Variants in OR9G4 observed in about 807,000 individuals in gnomAD.
The protein encoded by OR9G4 is olfactory receptor family 9 subfamily G member 4, also known as olfactory receptor 9G4.
A neutral mutation model predicts 16.7 loss-of-function variants in OR9G4; 19 were observed. The observed-to-expected ratio is 1.14, with a 90% confidence interval of 0.79 to 1.67. The LOEUF is 1.67. OR9G4 is among the 40% of genes most tolerant of loss of function. The pLI, the probability that OR9G4 is intolerant of heterozygous loss-of-function variation, is 0.00. For synonymous variants in OR9G4, 182 were observed against 146.2 expected (o/e 1.24, Z -1.76); for missense variants, 428 against 370.4 (o/e 1.16, Z -1.28).
chr11:56,747,535 TTC>T (rs536964386), intron 1 of OR9G4, among the ~76,000 whole-genome samples: 130 of 152,320 alleles, frequency 8.5e-4, no homozygotes, highest in African/African-American at 2.8e-3. Flanking sequence ...AGCAAAATAT[TTC>T]TCTGTCTTGT....
intron 1 of OR9G4, among the ~76,000 whole-genome samples, chr11:56,745,060 C>A (rs923055863): frequency 8.5e-5 from 13 of 152,124 alleles, no homozygotes; most frequent in African/African-American, 2.9e-4. Flanking sequence ...GAGAAAACAT[C>A]CATGTTAAGA....
chr11:56,743,901 T>C (rs1247716363), intron 1 of OR9G4, 113 bp from the exon 2 acceptor site: 13 of 1,189,630 alleles, frequency 1.1e-5, no homozygotes, highest in Non-Finnish European at 1.4e-5. Context: ...TCTCCCTTAC[T>C]ATCTAGAATT....
intron 1 of OR9G4, among the ~76,000 whole-genome samples, chr11:56,745,128 T>C (rs1451555319): frequency 2.6e-5 from 4 of 152,224 alleles, no homozygotes; most frequent in Non-Finnish European, 5.9e-5. Flanking sequence ...ATCATTATTC[T>C]GAATGGGAGG....
At position 56,741,530 on chromosome 11, in the gene OR9G4, G is replaced by C. The variant is rs1416252376; in HGVS notation, c.*1298C>G. 6.6e-6 allele frequency: 1 copy of C among 152,352 alleles called. No individual in the cohort carries two copies. Among genetic ancestry groups the C allele is most frequent in the Non-Finnish European group, 1.5e-5 (1 of 68,260 alleles). 9.4% of individuals were successfully genotyped at this position (152,352 alleles called of 1,614,324 possible). Reference sequence around the variant, plus strand: ...ATCCTTCTAGTCAAGTACTCAAACAGCTTCCTTTGTGATAGAGGAATAAGA... The same window carrying C: ...ATCCTTCTAGTCAAGTACTCAAACACCTTCCTTTGTGATAGAGGAATAAGA... On this transcript the variant is annotated 3_prime_UTR_variant, in exon 2 of 2. Coordinates refer to ENST00000641668, the MANE Select transcript of OR9G4 (RefSeq NM_001005284.2).
intron 1 of OR9G4, among the ~76,000 whole-genome samples, chr11:56,747,374 TA>T (rs756114002): frequency 3.7e-4 from 56 of 152,060 alleles, no homozygotes; most frequent in Non-Finnish European, 7.1e-4. Context: ...ATGCCCCTTT[TA>T]AATTCCATGC....
Position 56,743,080 on chromosome 11 carries a change from G to A in OR9G4, c.687C>T (p.His229=), listed in dbSNP as rs958730694. ...VNILLAILRI[H]SASGRHKAFS... is the part of the protein sequence containing the mutation. Reference sequence around the variant, plus strand: ...ATGCCTTGTGTCTTCCTGAAGCTGAGTGGATTCTCAGGATAGCCAGGAGGA... The same window carrying A: ...ATGCCTTGTGTCTTCCTGAAGCTGAATGGATTCTCAGGATAGCCAGGAGGA... Residue 229 remains histidine, a synonymous_variant, in exon 2 of 2, where the codon CAC becomes CAT. Coordinates refer to ENST00000641668, the MANE Select transcript of OR9G4 (RefSeq NM_001005284.2). The A allele has an allele frequency of 6.2e-7, 1 of 1,614,174 alleles. No individual in the cohort carries two copies. Among genetic ancestry groups the A allele is most frequent in the South Asian group, 1.1e-5 (1 of 91,084 alleles).
Position 56,741,903 on chromosome 11 carries a change from G to A in OR9G4, c.*925C>T, listed in dbSNP as rs903701243. The stretch of plus-strand genomic sequence containing the variant: ...TATCAGGGTTTAGGGAATTGGGCTC[G>A]AGGCCAAGGCTAGTTTCCATGTGGT... On this transcript the variant is annotated 3_prime_UTR_variant, in exon 2 of 2. Transcript: ENST00000641668. 2.0e-5 allele frequency: 3 copies of A among 152,210 alleles called. No homozygotes were observed. Among genetic ancestry groups the A allele is most frequent in the South Asian group, 4.1e-4 (2 of 4,836 alleles). The allele number at this position is 152,210 out of a possible 1,614,324, so 9.4% of individuals were successfully genotyped here. A position where few individuals can be genotyped will look rare whatever the true frequency, so the allele number is the denominator to read the frequency against.
In OR9G4 at chr11:56,743,631, C is replaced by G. The variant is rs1858351796; in HGVS notation, c.136G>C (p.Val46Leu). ...LITLSGNMTL[V>L]ILIRTDSHLH... ...TGGGAATCAGTTCGGATTAAGATAA[C>G]CAAGGTCATGTTTCCTGACAAGGTT... Residue 46 changes from valine (V) to leucine (L), a missense_variant, in exon 2 of 2, where the codon GTT becomes CTT. By Grantham distance (32) the Val-to-Leu change is conservative. Coordinates refer to ENST00000641668, the MANE Select transcript of OR9G4 (RefSeq NM_001005284.2). 1 of 1,613,970 alleles carries G rather than the reference C, an allele frequency of 6.2e-7. No homozygotes were observed. Among genetic ancestry groups the G allele is most frequent in the Non-Finnish European group, 8.5e-7 (1 of 1,179,914 alleles).
At chr11:56,747,879 T>C (rs1472508956) in intron 1 of OR9G4, among the ~76,000 whole-genome samples, 1 of 152,182 alleles carries the variant, frequency 6.6e-6, no homozygotes, top group Non-Finnish European at 1.5e-5. Flanking sequence ...CTTCACTATG[T>C]TGGCCAGGCT....
At position 56,743,289 on chromosome 11, in the gene OR9G4, T is replaced by C. The variant is rs771863700; in HGVS notation, c.478A>G (p.Thr160Ala). 1.1e-4 allele frequency: 179 copies of C among 1,614,038 alleles called. No individual in the cohort carries two copies. Among genetic ancestry groups the C allele is most frequent in the Non-Finnish European group, 1.4e-4 (171 of 1,180,036 alleles). The change falls in exon 2 of 2, where the codon ACT (threonine) becomes GCT (alanine). Residue 160 changes from threonine to alanine, a missense_variant. Coordinates refer to ENST00000641668, the MANE Select transcript of OR9G4 (RefSeq NM_001005284.2). ...IGGFLNAIAHTANTFRLHFCG... is the reference protein window; with the variant it reads ...IGGFLNAIAHAANTFRLHFCG... ...AAATGCAGGCGGAATGTATTGGCAG[T>C]ATGGGCTATGGCATTCAAAAATCCT...
At chr11:56,745,211 G>T (rs948201732) in intron 1 of OR9G4, among the ~76,000 whole-genome samples, 4 of 152,108 alleles carry the variant, frequency 2.6e-5, no homozygotes, top group Non-Finnish European at 5.9e-5. Context: ...ATACAAATAA[G>T]CAATTTCAGC....
chr11:56,743,812 C>T, intron 1 of OR9G4, 24 bp from the exon 2 acceptor site: 1 of 1,604,188 alleles, frequency 6.2e-7, no homozygotes, highest in Non-Finnish European at 8.5e-7. Context: ...GGAAAATCAT[C>T]ACTTAGTGTT....
intron 1 of OR9G4, among the ~76,000 whole-genome samples, chr11:56,744,792 T>C (rs60711098): frequency 0.24 from 36,033 of 152,148 alleles, 5,628 homozygotes; most frequent in East Asian, 0.6. Context: ...GCGCTCACTC[T>C]GTCACCCCAG....
At chr11:56,746,285 T>A (rs1471401751) in intron 1 of OR9G4, among the ~76,000 whole-genome samples, 1 of 83,604 alleles carries the variant, frequency 1.2e-5, no homozygotes. Flanking sequence ...AGAGCGAGAC[T>A]CCGTCTCAAA....
Position 56,742,781 on chromosome 11 carries a change from C to T in OR9G4, c.*47G>A, listed in dbSNP as rs1188669758. The T allele has an allele frequency of 6.5e-7, 1 of 1,544,216 alleles. No homozygotes were observed. Among genetic ancestry groups the T allele is most frequent in the Non-Finnish European group, 8.8e-7 (1 of 1,136,332 alleles). On this transcript the variant is annotated 3_prime_UTR_variant, in exon 2 of 2. Coordinates refer to ENST00000641668, the MANE Select transcript of OR9G4 (RefSeq NM_001005284.2). ...AATGCAAATGAACACATTTATAAGC[C>T]AATAATCTGGAAAATTCAATAACAG...
rs147756755 is a variant in OR9G4, at chr11:56,743,524, G to A, written c.243C>T (p.Ile81=). The change falls in exon 2 of 2, where the codon ATC becomes ATT. Residue 81 remains isoleucine, a synonymous_variant. Coordinates refer to ENST00000641668, the MANE Select transcript of OR9G4 (RefSeq NM_001005284.2). The stretch of plus-strand genomic sequence containing the variant: ...TATCTTCTGAGACACAACTGGCCAG[G>A]ATTTTGGGGGTATACACAGAGGTAT... ...FWYTSVYTPK[I]LASCVSEDKR... is the part of the protein sequence containing the mutation. 3.8e-5 allele frequency: 61 copies of A among 1,614,028 alleles called. No homozygotes were observed. Among genetic ancestry groups the A allele is most frequent in the Non-Finnish European group, 4.9e-5 (58 of 1,180,036 alleles).
intron 1 of OR9G4, among the ~76,000 whole-genome samples, chr11:56,746,560 A>G (rs1858420425): frequency 6.6e-6 from 1 of 152,208 alleles, no homozygotes; most frequent in East Asian, 1.9e-4. Context: ...TAAAAATTCT[A>G]CTAATGGAAG....
chr11:56,741,259 G>A lies in OR9G4; in HGVS notation c.*1569C>T, dbSNP rs911937603. 1.7e-5 allele frequency: 6 copies of A among 346,398 alleles called. No homozygotes were observed. Among genetic ancestry groups the A allele is most frequent in the Non-Finnish European group, 3.4e-5 (6 of 178,034 alleles). 21.5% of individuals were successfully genotyped at this position (346,398 alleles called of 1,614,324 possible). ...TTTCGTTTGTTTGTTATGATTTTGAGATCAGACTATAATATATACTACAGT... is the reference window on the plus strand; with the variant it reads ...TTTCGTTTGTTTGTTATGATTTTGAAATCAGACTATAATATATACTACAGT... On this transcript the variant is annotated 3_prime_UTR_variant, in exon 2 of 2. Transcript: ENST00000641668.
chr11:56,746,889 G>A lies in OR9G4; in HGVS notation c.-23+1767C>T, dbSNP rs115503701. Among the ~76,000 whole-genome samples the A allele has an allele frequency of 2.8e-3, 422 of 152,122 alleles. 1 individual carries two copies. The highest frequency in any genetic ancestry group is 9.8e-3 in the African/African-American group (406 of 41,488). On this transcript the variant is annotated intron_variant, in intron 1 of 1. Transcript: ENST00000641668. The stretch of plus-strand genomic sequence containing the variant: ...TCTGTTCAAACCACTATGATCTACT[G>A]CCAAGAATATTGCCATCACTTTCTA...
Sources: gnomAD v4.1 joint callset for allele counts (sites outside exome capture counted in the v4.1 genomes callset) on GRCh38, gnomAD v4.1.1 for gene constraint, MANE v1.5 for transcripts, NCBI Gene and HGNC (gene_info 2026-07-23, HGNC 2026-07-21) for gene names.